The following CALN1 variants were observed in gnomAD, a reference collection of about 807,000 sequenced individuals.
CALN1 encodes calneuron 1.
CALN1 carries 17 observed loss-of-function variants against 30.6 expected under a neutral mutation model. The observed-to-expected ratio is 0.56, with a 90% CI of 0.38 to 0.83. The LOEUF is 0.83. CALN1 is among the 40% of genes least tolerant of loss of function. The probability of loss-of-function intolerance (pLI) is 0.00; values close to 1 mark genes in which losing one functional copy is unlikely to be tolerated. For missense variants in CALN1, 291 were observed against 354.9 expected (o/e 0.82, Z 1.45); for synonymous variants, 156 against 131.4 (o/e 1.19, Z -1.28).
intron 5 of CALN1, among the ~76,000 whole-genome samples, chr7:71,885,547 C>T (rs1028683125): frequency 6.6e-6 from 1 of 152,268 alleles, no homozygotes; most frequent in African/African-American, 2.4e-5. Flanking sequence ...GGCACATGTT[C>T]TCAGGACCTC....
chr7:72,171,494 A>G (rs910556539), intron 3 of CALN1, among the ~76,000 whole-genome samples: 2 of 152,188 alleles, frequency 1.3e-5, no homozygotes, highest in African/African-American at 4.8e-5. Flanking sequence ...CCTAAAATGC[A>G]TGGTGACTGA....
chr7:72,364,506 G>A (rs779721393), intron 2 of CALN1, among the ~76,000 whole-genome samples: 9 of 152,128 alleles, frequency 5.9e-5, no homozygotes, highest in African/African-American at 2.2e-4. Flanking sequence ...ATAAGGAAAG[G>A]AGTTTTGTGT....
At position 72,127,909 on chromosome 7, in the gene CALN1, G is replaced by C. The variant is rs2214663; in HGVS notation, c.245-21615C>G. On this transcript the variant is annotated intron_variant, in intron 3 of 6. Coordinates refer to ENST00000395275, the MANE Select transcript of CALN1 (RefSeq NM_031468.4). ...AATATGCTGATTTAAGCTAGAGAGA[G>C]AGACTGATGTATTTTATAAATGAAA... Among the ~76,000 whole-genome samples, 13 of 152,122 alleles carry C rather than the reference G, an allele frequency of 8.5e-5. No individual in the cohort carries two copies. The East Asian group carries it at 1.2e-3, about 14-fold the overall frequency.
chr7:71,983,006 T>A (rs1798479190), intron 5 of CALN1, among the ~76,000 whole-genome samples: 2 of 152,106 alleles, frequency 1.3e-5, no homozygotes, highest in Admixed American at 6.6e-5. Flanking sequence ...CATAATAAGA[T>A]TAGGGTGGGG....
chr7:72,197,517 T>C (rs1290353747), intron 3 of CALN1, among the ~76,000 whole-genome samples: 3 of 152,092 alleles, frequency 2.0e-5, no homozygotes, highest in Non-Finnish European at 4.4e-5. Flanking sequence ...TTCTTTAGGC[T>C]GGTGTTACAT....
intron 3 of CALN1, among the ~76,000 whole-genome samples, chr7:72,153,951 A>G (rs1320291129): frequency 6.6e-6 from 1 of 152,112 alleles, no homozygotes; most frequent in Non-Finnish European, 1.5e-5. Flanking sequence ...GGCAGCCTGA[A>G]CCACTAACAA....
chr7:72,319,297 A>C (rs1437062876), intron 2 of CALN1, among the ~76,000 whole-genome samples: 1 of 152,232 alleles, frequency 6.6e-6, no homozygotes, highest in East Asian at 1.9e-4. Flanking sequence ...GGGAGGCCTC[A>C]CAATCATGGC....
rs562092082 is a variant in CALN1 at position 72,153,220 on chromosome 7, A to G, written c.245-46926T>C. ...GCAATCTTACCTGCCAGGGGACATT[A>G]TTACAGCAAGATCACACCTACGCGT... On this transcript the variant is annotated intron_variant, in intron 3 of 6. Coordinates refer to ENST00000395275, the MANE Select transcript of CALN1 (RefSeq NM_031468.4). 2.6e-5 allele frequency among the ~76,000 whole-genome samples: 4 copies of G among 152,316 alleles called. No homozygotes were observed. In the South Asian group the frequency reaches 8.3e-4, roughly 32 times the overall value.
chr7:72,363,519 G>A (rs185526038), intron 2 of CALN1, among the ~76,000 whole-genome samples: 1 of 152,166 alleles, frequency 6.6e-6, no homozygotes, highest in African/African-American at 2.4e-5. Context: ...GATTACAGGT[G>A]TGAGCCACTG....
intron 3 of CALN1, among the ~76,000 whole-genome samples, chr7:72,134,582 T>C (rs1022089895): frequency 6.6e-6 from 1 of 152,210 alleles, no homozygotes; most frequent in African/African-American, 2.4e-5. Context: ...AAAATGTACT[T>C]TTATTTAAAC....
chr7:71,828,313 A>AT (rs1789050178), intron 5 of CALN1, among the ~76,000 whole-genome samples: 1 of 152,262 alleles, frequency 6.6e-6, no homozygotes, highest in Admixed American at 6.5e-5. Flanking sequence ...GGGTTTTGTG[A>AT]TAAGCCAATT....
intron 2 of CALN1, among the ~76,000 whole-genome samples, chr7:72,300,709 T>C (rs1481716597): frequency 6.6e-6 from 1 of 152,140 alleles, no homozygotes; most frequent in South Asian, 2.1e-4. Flanking sequence ...ATTATATTTA[T>C]AGCCAGTCAC....
chr7:72,130,041 A>C (rs191154860), intron 3 of CALN1, among the ~76,000 whole-genome samples: 10 of 152,166 alleles, frequency 6.6e-5, no homozygotes, highest in African/African-American at 2.4e-4. Flanking sequence ...TGGTTGTTAA[A>C]AAGAACCTGG....
chr7:71,941,341 A>C (rs1303674019), intron 5 of CALN1, among the ~76,000 whole-genome samples: 1 of 139,560 alleles, frequency 7.2e-6, no homozygotes, highest in Non-Finnish European at 1.6e-5. Context: ...ACAGAGTGAG[A>C]CTGCATCTCA....
chr7:72,305,630 A>G (rs1439428897), intron 2 of CALN1, among the ~76,000 whole-genome samples: 1 of 152,218 alleles, frequency 6.6e-6, no homozygotes, highest in Non-Finnish European at 1.5e-5. Flanking sequence ...TCTACGGGAA[A>G]TAACTGCACA....
chr7:72,218,859 T>C (rs1793048409), intron 3 of CALN1, among the ~76,000 whole-genome samples: 1 of 152,194 alleles, frequency 6.6e-6, no homozygotes, highest in Admixed American at 6.5e-5. Context: ...ATCCATTCTG[T>C]AGCACCTAGG....
At chr7:72,286,644 C>T (rs996633382) in intron 2 of CALN1, among the ~76,000 whole-genome samples, 5 of 152,216 alleles carry the variant, frequency 3.3e-5, no homozygotes, top group African/African-American at 4.8e-5. Flanking sequence ...TGGCTAAGCA[C>T]TTATGAAACA....
At chr7:71,845,075 G>C (rs1790151432) in intron 5 of CALN1, among the ~76,000 whole-genome samples, 1 of 151,874 alleles carries the variant, frequency 6.6e-6, no homozygotes, top group South Asian at 2.1e-4. Flanking sequence ...GTACAGACAG[G>C]GTTTCACCAT....
intron 3 of CALN1, among the ~76,000 whole-genome samples, chr7:72,109,299 G>A (rs567287729): frequency 8.5e-5 from 13 of 152,254 alleles, no homozygotes; most frequent in African/African-American, 2.6e-4. Flanking sequence ...TTAGGTCCAC[G>A]GCCAAACCCT....
Sources: gnomAD v4.1 joint callset for allele counts (sites outside exome capture counted in the v4.1 genomes callset) on GRCh38, gnomAD v4.1.1 for gene constraint, MANE v1.5 for transcripts, NCBI Gene and HGNC (gene_info 2026-07-23, HGNC 2026-07-21) for gene names.